The following SKIC2 variants were observed in gnomAD, a reference collection of about 807,000 sequenced individuals.
SKIC2 encodes the protein SKI2 subunit of superkiller complex.
chr6:31,961,890 C>CT, the SKIC2 span: 1 of 1,612,566 alleles, frequency 6.2e-7, no homozygotes, highest in South Asian at 1.1e-5. Context: ...CAGCTCCTGT[C>CT]TATTTCTCTC....
the SKIC2 span, chr6:31,968,129 G>A: frequency 6.2e-7 from 1 of 1,608,530 alleles, no homozygotes; most frequent in Non-Finnish European, 8.5e-7. The surrounding 1 kb of genome is among the most constrained non-coding windows in gnomAD (Gnocchi z 6.1). Context: ...GGCACGTAGA[G>A]GCAGGGAGGG....
At chr6:31,961,691 C>G in the SKIC2 span, 1 of 1,609,122 alleles carries the variant, frequency 6.2e-7, no homozygotes, top group Non-Finnish European at 8.5e-7. Flanking sequence ...TTGGCCCCAT[C>G]TTCACACGCT....
the SKIC2 span, chr6:31,969,547 C>T: frequency 6.2e-7 from 1 of 1,613,870 alleles, no homozygotes; most frequent in Non-Finnish European, 8.5e-7. The surrounding 1 kb of genome is among the most constrained non-coding windows in gnomAD (Gnocchi z 6.1). Context: ...TCTCAGGGAC[C>T]CCTGAGGGCC....
chr6:31,962,896 C>A, the SKIC2 span: 1 of 1,330,674 alleles, frequency 7.5e-7, no homozygotes, highest in Non-Finnish European at 1.1e-6. The surrounding 1 kb of genome is among the most constrained non-coding windows in gnomAD (Gnocchi z 5.0). Flanking sequence ...TTACTGCTTT[C>A]TTTACCCCCA....
chr6:31,967,955 G>A, the SKIC2 span: 2 of 1,613,084 alleles, frequency 1.2e-6, no homozygotes, highest in East Asian at 4.5e-5. This position sits in a 1 kb window ranked among gnomAD's most constrained non-coding sequence, Gnocchi z 4.9. Context: ...CCTTTTCACA[G>A]GGCCTTGTGA....
the SKIC2 span, chr6:31,963,475 A>G: frequency 6.2e-7 from 1 of 1,612,042 alleles, no homozygotes; most frequent in Admixed American, 1.7e-5. The surrounding 1 kb of genome is among the most constrained non-coding windows in gnomAD (Gnocchi z 5.3). Context: ...CCCCTGGAGC[A>G]CTATCTTTTC....
At chr6:31,968,724 G>C in the SKIC2 span, 1 of 1,612,970 alleles carries the variant, frequency 6.2e-7, no homozygotes, top group Non-Finnish European at 8.5e-7. This position sits in a 1 kb window ranked among gnomAD's most constrained non-coding sequence, Gnocchi z 6.1. Context: ...TACAGAAGGA[G>C]ATGGAGCGGC....
chr6:31,969,661 G>A, the SKIC2 span: 11 of 1,610,252 alleles, frequency 6.8e-6, no homozygotes, highest in Non-Finnish European at 8.5e-6. The surrounding 1 kb of genome is among the most constrained non-coding windows in gnomAD (Gnocchi z 6.1). Context: ...TGGAGACAGC[G>A]GCTACCTTGC....
At chr6:31,968,784 T>C in the SKIC2 span, 8 of 1,601,262 alleles carry the variant, frequency 5.0e-6, no homozygotes, top group Non-Finnish European at 6.0e-6. This position sits in a 1 kb window ranked among gnomAD's most constrained non-coding sequence, Gnocchi z 6.1. Context: ...CTGAGTACCA[T>C]CAGCGAGTAG....
chr6:31,962,401 C>G, the SKIC2 span: 5 of 1,612,250 alleles, frequency 3.1e-6, no homozygotes, highest in Admixed American at 5.0e-5. The surrounding 1 kb of genome is among the most constrained non-coding windows in gnomAD (Gnocchi z 5.0). Flanking sequence ...GGCCATGAGT[C>G]TGCGGAGGGA....
At chr6:31,962,106 C>T in the SKIC2 span, 5 of 1,587,970 alleles carry the variant, frequency 3.1e-6, no homozygotes, top group East Asian at 6.7e-5. The surrounding 1 kb of genome is among the most constrained non-coding windows in gnomAD (Gnocchi z 5.0). Context: ...CCATTTTCTC[C>T]TGCATCCTTT....
At chr6:31,962,956 T>C in the SKIC2 span, 3,428 of 1,557,212 alleles carry the variant, frequency 2.2e-3, 7 homozygotes, top group Non-Finnish European at 2.9e-3. This position sits in a 1 kb window ranked among gnomAD's most constrained non-coding sequence, Gnocchi z 5.0. Context: ...CCTGCCCTCA[T>C]GTGACCTCCC....
the SKIC2 span, chr6:31,963,633 C>T: frequency 5.2e-6 from 8 of 1,541,084 alleles, no homozygotes; most frequent in South Asian, 8.9e-5. This position sits in a 1 kb window ranked among gnomAD's most constrained non-coding sequence, Gnocchi z 5.3. Flanking sequence ...TCCCTGTGCC[C>T]CAGGTACTAT....
At chr6:31,961,190 C>T in the SKIC2 span, 1 of 1,614,034 alleles carries the variant, frequency 6.2e-7, no homozygotes, top group Non-Finnish European at 8.5e-7. Flanking sequence ...TTGGCTTGCT[C>T]CTCAGATTGT....
chr6:31,959,519 C>A, the SKIC2 span: 4 of 743,606 alleles, frequency 5.4e-6, no homozygotes, highest in Non-Finnish European at 4.8e-6. Context: ...TCCATCCCAG[C>A]CTGAAGGGGT....
the SKIC2 span, chr6:31,962,975 C>T: frequency 6.2e-7 from 1 of 1,602,856 alleles, no homozygotes; most frequent in East Asian, 2.2e-5. The surrounding 1 kb of genome is among the most constrained non-coding windows in gnomAD (Gnocchi z 5.0). Flanking sequence ...CCTTCCCTCT[C>T]TGTGCCCAGC....
chr6:31,967,057 G>A, the SKIC2 span: 5 of 1,613,046 alleles, frequency 3.1e-6, no homozygotes, highest in Non-Finnish European at 4.2e-6. The surrounding 1 kb of genome is among the most constrained non-coding windows in gnomAD (Gnocchi z 4.9). Flanking sequence ...CTTTGGAGGA[G>A]CCTGACATGA....
chr6:31,959,896 T>C, the SKIC2 span: 1 of 772,996 alleles, frequency 1.3e-6, no homozygotes, highest in Non-Finnish European at 2.2e-6. Context: ...CTGATTGTCC[T>C]AGTCTGTTTG....
chr6:31,966,052 G>C, the SKIC2 span: 13 of 1,290,224 alleles, frequency 1.0e-5, no homozygotes, highest in Non-Finnish European at 1.4e-5. The surrounding 1 kb of genome is among the most constrained non-coding windows in gnomAD (Gnocchi z 5.9). Context: ...CCCAGCTCCA[G>C]GACCTTGCTG....
Sources: gnomAD v4.1 joint callset for allele counts on GRCh38, gnomAD v4.1.1 for gene constraint, Gnocchi (gnomAD v3.1) non-coding constraint, MANE v1.5 for transcripts, NCBI Gene and HGNC (gene_info 2026-07-23, HGNC 2026-07-21) for gene names.